Variants in FOXP1 observed in about 807,000 individuals in gnomAD.
FOXP1 encodes forkhead box P1, also known as forkhead box protein P1.
In FOXP1, 15 loss-of-function variants were observed where a neutral mutation model predicts 98.2. The ratio of observed to expected loss-of-function variants is 0.15; its 90% CI spans 0.10 to 0.24. The LOEUF is 0.24. Ranked by LOEUF, FOXP1 falls within the 10% of genes least tolerant of loss-of-function variation. The probability of loss-of-function intolerance (pLI) is 1.00; values close to 1 mark genes in which losing one functional copy is unlikely to be tolerated. For missense variants in FOXP1, 633 were observed against 848.5 expected, an observed-to-expected ratio of 0.75 and a Z score of 3.15; for synonymous variants, 371 against 314.5, an observed-to-expected ratio of 1.18 and a Z score of -1.90.
intron 7 of FOXP1, among the ~76,000 whole-genome samples, chr3:71,107,575 G>C (rs1332565220): frequency 1.3e-5 from 2 of 151,742 alleles, no homozygotes; most frequent in Non-Finnish European, 2.9e-5. Context: ...AATGCTAGGG[G>C]TGCCAATTCT....
At chr3:70,963,514 C>T (rs542836208) in intron 20 of FOXP1, among the ~76,000 whole-genome samples, 2 of 152,304 alleles carry the variant, frequency 1.3e-5, no homozygotes, top group South Asian at 2.1e-4. Flanking sequence ...GTGTATGATG[C>T]ACCTTCCTCT....
chr3:71,488,048 G>A (rs561437495), intron 3 of FOXP1, among the ~76,000 whole-genome samples: 12 of 152,170 alleles, frequency 7.9e-5, no homozygotes, highest in African/African-American at 2.9e-4. Context: ...TTTCTTTGAA[G>A]ATATGTTTTT....
intron 6 of FOXP1, among the ~76,000 whole-genome samples, chr3:71,183,523 C>A (rs1253665775): frequency 6.6e-6 from 1 of 152,000 alleles, no homozygotes; most frequent in Non-Finnish European, 1.5e-5. Context: ...ACAAAAAAAA[C>A]CCAAAAGCTA....
rs1383977928 is a variant in FOXP1, at chr3:70,955,878, A to G, written c.*3369T>C. The G allele has an allele frequency of 4.3e-6, 1 of 233,010 alleles. No individual in the cohort carries two copies. The allele number at this position is 233,010 out of a possible 1,614,324, so 14.4% of individuals were successfully genotyped here. On this transcript the variant is annotated 3_prime_UTR_variant, in exon 21 of 21. Transcript: ENST00000649528. ...CACAAAACCTGTACAAAATGCTCCA[A>G]TCAATGAGAACAGAAAAAAGAAATC...
At chr3:71,515,235 T>C (rs772110814) in intron 2 of FOXP1, among the ~76,000 whole-genome samples, 1 of 152,210 alleles carries the variant, frequency 6.6e-6, no homozygotes, top group South Asian at 2.1e-4. Context: ...ACCCTCTGCA[T>C]CGAACCAAAA....
At chr3:71,334,828 T>A (rs2076571976) in intron 4 of FOXP1, 1 of 152,154 alleles carries the variant, frequency 6.6e-6, no homozygotes, top group African/African-American at 2.4e-5. Context: ...CTACAGACAT[T>A]GACATAAGGA....
chr3:71,259,261 C>G (rs143358181), intron 5 of FOXP1, among the ~76,000 whole-genome samples: 21 of 152,334 alleles, frequency 1.4e-4, no homozygotes, highest in Non-Finnish European at 2.5e-4. Context: ...AAAGCACAGA[C>G]AAGCTACAGT....
chr3:71,448,416 GACAAAC>G (rs1186566105), intron 3 of FOXP1, among the ~76,000 whole-genome samples: 1 of 152,120 alleles, frequency 6.6e-6, no homozygotes, highest in Non-Finnish European at 1.5e-5. Flanking sequence ...TCTCCCAAAA[GACAAAC>G]TGTACCTATA....
At chr3:71,525,087 T>C (rs2043273477) in intron 2 of FOXP1, among the ~76,000 whole-genome samples, 1 of 152,232 alleles carries the variant, frequency 6.6e-6, no homozygotes, top group African/African-American at 2.4e-5. Flanking sequence ...GGTATATGCC[T>C]GATGCAGGGT....
intron 5 of FOXP1, chr3:71,296,544 T>C (rs570728926): frequency 6.6e-6 from 1 of 152,154 alleles, no homozygotes; most frequent in African/African-American, 2.4e-5. Context: ...CTATATACCC[T>C]AACTTATTTC....
At chr3:71,078,023 G>A (rs1016576555) in intron 7 of FOXP1, among the ~76,000 whole-genome samples, 1 of 152,042 alleles carries the variant, frequency 6.6e-6, no homozygotes, top group Non-Finnish European at 1.5e-5. Flanking sequence ...GTAGAGACAG[G>A]GTTTCTCCAT....
At chr3:71,571,955 A>G (rs1387569165) in intron 2 of FOXP1, 2 of 152,172 alleles carry the variant, frequency 1.3e-5, no homozygotes, top group African/African-American at 2.4e-5. Flanking sequence ...TTTTCATCTA[A>G]GTATATCTTT....
At chr3:71,483,928 AT>A (rs1042085487) in intron 3 of FOXP1, among the ~76,000 whole-genome samples, 1 of 152,122 alleles carries the variant, frequency 6.6e-6, no homozygotes, top group Non-Finnish European at 1.5e-5. Context: ...TTAAAAGCTC[AT>A]TTTTTTGTAA....
At chr3:71,355,662 A>G (rs2078101770) in intron 4 of FOXP1, among the ~76,000 whole-genome samples, 1 of 152,204 alleles carries the variant, frequency 6.6e-6, no homozygotes. Context: ...TCAAGCCACT[A>G]TCTCCACACA....
chr3:71,018,894 A>G (rs1335969080), intron 11 of FOXP1, among the ~76,000 whole-genome samples: 11 of 152,242 alleles, frequency 7.2e-5, no homozygotes, highest in South Asian at 4.2e-4. Flanking sequence ...GTGTTTGCAT[A>G]TATGTATGTA....
intron 6 of FOXP1, among the ~76,000 whole-genome samples, chr3:71,192,133 C>G (rs566431053): frequency 1.3e-5 from 2 of 152,318 alleles, no homozygotes; most frequent in East Asian, 3.9e-4. Context: ...TTTTCCCTGT[C>G]AGCATCAAGA....
rs549841564 is a variant in FOXP1 at position 71,112,955 on chromosome 3, G to A, written c.181-318C>T. ...CTGAACAAAGATGACAGAGAGACCAGGAGGGACCCAAGCAAAGACGAAAAC... is the reference window on the plus strand; with the variant it reads ...CTGAACAAAGATGACAGAGAGACCAAGAGGGACCCAAGCAAAGACGAAAAC... On this transcript the variant is annotated intron_variant, in intron 6 of 20. Coordinates refer to ENST00000649528, the MANE Select transcript of FOXP1 (RefSeq NM_001349338.3). 1.6e-4 allele frequency among the ~76,000 whole-genome samples: 24 copies of A among 152,196 alleles called. No homozygotes were observed. The South Asian group carries it at 3.5e-3, about 22-fold the overall frequency.
chr3:70,960,579 T>G (rs1388560747), intron 20 of FOXP1, among the ~76,000 whole-genome samples: 1 of 152,210 alleles, frequency 6.6e-6, no homozygotes, highest in Non-Finnish European at 1.5e-5. Context: ...AATGGTCCCA[T>G]CTCTGGGACA....
chr3:71,474,608 T>C (rs915604489), intron 3 of FOXP1, among the ~76,000 whole-genome samples: 1 of 152,060 alleles, frequency 6.6e-6, no homozygotes, highest in African/African-American at 2.4e-5. Flanking sequence ...TAGCTTCTCA[T>C]AGAAGCGTAA....
Sources: gnomAD v4.1 joint callset for allele counts (sites outside exome capture counted in the v4.1 genomes callset) on GRCh38, gnomAD v4.1.1 for gene constraint, MANE v1.5 for transcripts, NCBI Gene and HGNC (gene_info 2026-07-23, HGNC 2026-07-21) for gene names.